Variants in BANK1 observed in about 807,000 individuals in gnomAD.
The protein encoded by BANK1 is B cell scaffold protein with ankyrin repeats 1.
Under a neutral mutation model 94.5 loss-of-function variants are expected in BANK1, and 95 were observed. The observed-to-expected ratio is 1.00, with a 90% CI of 0.85 to 1.19. The LOEUF (loss-of-function observed/expected upper bound fraction) is 1.19. Ranked by LOEUF, BANK1 falls within the 50% of genes most tolerant of loss-of-function variation. BANK1 has a pLI of 0.00. For missense variants in BANK1, 987 were observed against 932.2 expected (o/e 1.06, Z -0.77); for synonymous variants, 334 against 308.4 (o/e 1.08, Z -0.87).
intron 7 of BANK1, among the ~76,000 whole-genome samples, chr4:101,938,196 C>T (rs2148908951): frequency 6.6e-6 from 1 of 151,656 alleles, no homozygotes; most frequent in African/African-American, 2.4e-5. Context: ...ATGTAACAAA[C>T]CTGCACGTTC....
intron 7 of BANK1, chr4:101,977,182 G>A (rs1725163907): frequency 6.6e-6 from 1 of 152,038 alleles, no homozygotes; most frequent in South Asian, 2.1e-4. Flanking sequence ...GTTCAGCTTG[G>A]GGCTTCTGCT....
intron 2 of BANK1, among the ~76,000 whole-genome samples, chr4:101,838,497 C>A (rs1455439489): frequency 6.6e-6 from 1 of 151,984 alleles, no homozygotes; most frequent in Non-Finnish European, 1.5e-5. Context: ...CATTTCAATT[C>A]CACATGGGAA....
chr4:101,800,317 C>T (rs562316255), intron 1 of BANK1, among the ~76,000 whole-genome samples: 16 of 151,816 alleles, frequency 1.1e-4, no homozygotes, highest in Non-Finnish European at 2.1e-4. Context: ...ATTTCTGTCT[C>T]GTATTTTTCA....
At chr4:101,820,612 C>T (rs1477367489) in intron 1 of BANK1, among the ~76,000 whole-genome samples, 1 of 152,122 alleles carries the variant, frequency 6.6e-6, no homozygotes, top group Non-Finnish European at 1.5e-5. Context: ...TTTTCTGCTC[C>T]TCTCCCTCCT....
At chr4:101,994,559 A>T (rs147342021) in intron 7 of BANK1, among the ~76,000 whole-genome samples, 6 of 152,280 alleles carry the variant, frequency 3.9e-5, no homozygotes, top group African/African-American at 1.4e-4. Context: ...AAGTGGCTAC[A>T]TGCTGTTGTA....
chr4:101,950,547 C>T (rs962749257), intron 7 of BANK1, among the ~76,000 whole-genome samples: 7 of 152,152 alleles, frequency 4.6e-5, no homozygotes, highest in African/African-American at 1.7e-4. Flanking sequence ...TTTTCAAATG[C>T]TCTTTCTTTG....
chr4:102,066,279 C>CA (rs1560717846), intron 13 of BANK1, among the ~76,000 whole-genome samples: 13 of 143,322 alleles, frequency 9.1e-5, no homozygotes, highest in Admixed American at 2.1e-4. Flanking sequence ...TTTCTCAAGA[C>CA]AGAGTCTCGC....
At chr4:101,834,904 C>T (rs1726766354) in intron 2 of BANK1, among the ~76,000 whole-genome samples, 1 of 151,938 alleles carries the variant, frequency 6.6e-6, no homozygotes, top group African/African-American at 2.4e-5. Flanking sequence ...ATCAAGGCTC[C>T]AGAGAAAAGT....
At chr4:101,822,232 T>C (rs1401514550) in intron 1 of BANK1, among the ~76,000 whole-genome samples, 1 of 151,924 alleles carries the variant, frequency 6.6e-6, no homozygotes, top group Non-Finnish European at 1.5e-5. Flanking sequence ...TAACTTGGCA[T>C]GGTGGTGCAT....
At chr4:101,845,455 T>G (rs533211164) in intron 2 of BANK1, among the ~76,000 whole-genome samples, 11 of 152,228 alleles carry the variant, frequency 7.2e-5, no homozygotes, top group African/African-American at 2.6e-4. Flanking sequence ...AAGTACTACC[T>G]CTTAGATAAC....
chr4:101,950,054 T>TGC (rs1352067444), intron 7 of BANK1, among the ~76,000 whole-genome samples: 5 of 55,868 alleles, frequency 8.9e-5, no homozygotes, highest in African/African-American at 2.9e-4. Context: ...TGTGTGTGTG[T>TGC]GTGTGTGCGC....
intron 7 of BANK1, among the ~76,000 whole-genome samples, chr4:101,992,512 A>G (rs992389952): frequency 1.3e-5 from 2 of 152,184 alleles, no homozygotes; most frequent in Non-Finnish European, 2.9e-5. Context: ...GTGTTTAGAC[A>G]TAAGCGTGAT....
At chr4:102,011,958 T>C (rs1726526001) in intron 7 of BANK1, among the ~76,000 whole-genome samples, 1 of 152,168 alleles carries the variant, frequency 6.6e-6, no homozygotes, top group Admixed American at 6.6e-5. Flanking sequence ...CTGATATGAA[T>C]GGAATCTGGC....
chr4:101,850,039 CT>C (rs1466032622), intron 2 of BANK1, among the ~76,000 whole-genome samples: 1 of 152,124 alleles, frequency 6.6e-6, no homozygotes, highest in South Asian at 2.1e-4. Context: ...TAAGAGCTGT[CT>C]ACAAATAGTT....
Position 101,870,582 on chromosome 4 carries a change from C to T in BANK1, c.841C>T (p.Pro281Ser), listed in dbSNP as rs1206740818. ...VKATTKIKYYPTAKAKECLFR... is the reference protein window; with the variant it reads ...VKATTKIKYYSTAKAKECLFR... ...AGCTACAACCAAAATTAAGTACTAC[C>T]CAACAGCAAAGGCAAAGGAATGCCT... The change falls in exon 5 of 17, where the codon CCA (proline) becomes TCA (serine). Residue 281 changes from proline to serine, a missense_variant. Pro to Ser is a moderately conservative substitution (Grantham distance 74). Transcript: ENST00000322953. The T allele has an allele frequency of 2.5e-6, 4 of 1,612,660 alleles. No homozygotes were observed. In the African/African-American group the frequency reaches 4.0e-5, roughly 16 times the overall value.
chr4:101,951,874 A>T (rs1303363893), intron 7 of BANK1, among the ~76,000 whole-genome samples: 1 of 151,730 alleles, frequency 6.6e-6, no homozygotes, highest in Non-Finnish European at 1.5e-5. Context: ...ATAAAACAAA[A>T]AAAATAAAGA....
intron 7 of BANK1, among the ~76,000 whole-genome samples, chr4:101,930,447 T>G (rs185796614): frequency 7.5e-4 from 113 of 151,612 alleles, no homozygotes; most frequent in African/African-American, 2.6e-3. Context: ...CATTTGAAAG[T>G]GATAAACAAG....
At chr4:101,943,528 A>G (rs1578412231) in intron 7 of BANK1, among the ~76,000 whole-genome samples, 1 of 151,808 alleles carries the variant, frequency 6.6e-6, no homozygotes, top group Admixed American at 6.6e-5. Context: ...TAAGTGTCTA[A>G]GTAAATAAAT....
intron 7 of BANK1, among the ~76,000 whole-genome samples, chr4:101,990,621 C>T (rs1232741817): frequency 1.3e-5 from 2 of 152,164 alleles, no homozygotes; most frequent in Non-Finnish European, 2.9e-5. Context: ...GCTGCAGAAG[C>T]AGTCTACCTG....
Sources: gnomAD v4.1 joint callset for allele counts (sites outside exome capture counted in the v4.1 genomes callset) on GRCh38, gnomAD v4.1.1 for gene constraint, MANE v1.5 for transcripts, NCBI Gene and HGNC (gene_info 2026-07-23, HGNC 2026-07-21) for gene names.